The following GLIS1 variants were observed in gnomAD, a reference collection of about 807,000 sequenced individuals.
GLIS1 encodes zinc finger protein GLIS1.
Under a neutral mutation model 63.8 loss-of-function variants are expected in GLIS1, and 24 were observed. The ratio of observed to expected loss-of-function variants is 0.38; its 90% CI spans 0.27 to 0.53. GLIS1 has a LOEUF of 0.53. Among genes scored for constraint, GLIS1 ranks in the 20% least tolerant of loss-of-function variants. The pLI, the probability that GLIS1 is intolerant of heterozygous loss-of-function variation, is 0.85. For missense variants in GLIS1, 1,036 were observed against 1,074.1 expected (o/e 0.96, Z 0.50); for synonymous variants, 450 against 482.5 (o/e 0.93, Z 0.88).
At chr1:53,527,258 G>C (rs974194908) in intron 5 of GLIS1, among the ~76,000 whole-genome samples, 3 of 152,220 alleles carry the variant, frequency 2.0e-5, no homozygotes, top group African/African-American at 4.8e-5. Context: ...CATCCCAGTG[G>C]GGAAGCTGAG....
intron 2 of GLIS1, among the ~76,000 whole-genome samples, chr1:53,640,515 G>T (rs1336457691): frequency 6.6e-6 from 1 of 152,202 alleles, no homozygotes; most frequent in East Asian, 1.9e-4. Context: ...CCAGCACCCC[G>T]CTCTCCTGTG....
chr1:53,738,879 G>A (rs1481223271), intron 1 of GLIS1, among the ~76,000 whole-genome samples: 1 of 152,208 alleles, frequency 6.6e-6, no homozygotes, highest in Non-Finnish European at 1.5e-5. Context: ...ACGCTCAGCA[G>A]CGCACAACCA....
chr1:53,576,857 T>C (rs1645036823), intron 4 of GLIS1, among the ~76,000 whole-genome samples: 1 of 152,068 alleles, frequency 6.6e-6, no homozygotes, highest in Admixed American at 6.5e-5. Flanking sequence ...TTCCCTCAAA[T>C]GTCCCCCTCG....
chr1:53,697,252 G>A (rs1016260187), intron 2 of GLIS1, among the ~76,000 whole-genome samples: 1 of 152,196 alleles, frequency 6.6e-6, no homozygotes, highest in Non-Finnish European at 1.5e-5. Flanking sequence ...GGGTCACCCT[G>A]CCCAAAATCC....
chr1:53,558,684 G>A (rs893771566), intron 4 of GLIS1, among the ~76,000 whole-genome samples: 1 of 152,224 alleles, frequency 6.6e-6, no homozygotes, highest in Non-Finnish European at 1.5e-5. Flanking sequence ...CCCAGCACCT[G>A]CCCATGGCCT....
intron 6 of GLIS1, among the ~76,000 whole-genome samples, chr1:53,524,221 C>T (rs55676157): frequency 2.0e-3 from 305 of 152,352 alleles, no homozygotes; most frequent in Non-Finnish European, 3.5e-3. Flanking sequence ...GCAAGCCCCG[C>T]GGGCCCACTC....
At chr1:53,582,108 G>C (rs1312721413) in intron 4 of GLIS1, among the ~76,000 whole-genome samples, 2 of 152,128 alleles carry the variant, frequency 1.3e-5, no homozygotes, top group African/African-American at 4.8e-5. Flanking sequence ...TCAGGGTCAG[G>C]AGACCTAGGA....
rs112167168 is a variant in GLIS1, at chr1:53,570,283, T to TA, written c.1320+23824dup. 1.4e-3 allele frequency among the ~76,000 whole-genome samples: 199 copies of TA among 146,352 alleles called. 1 individual carries two copies. Among genetic ancestry groups the TA allele is most frequent in the Middle Eastern group, 3.5e-3 (1 of 284 alleles). On this transcript the variant is annotated intron_variant, in intron 4 of 10. Coordinates refer to ENST00000628545, the MANE Select transcript of GLIS1 (RefSeq NM_001367484.1). ...AGGCGAGCACCATTCTTGGCTAATT[T>TA]AAAAAAAAAAAAAATTGTTTAGAGA... is the stretch of plus-strand genomic sequence containing the variant.
chr1:53,596,380 A>AC (rs1405785765), intron 3 of GLIS1, among the ~76,000 whole-genome samples: 1 of 151,848 alleles, frequency 6.6e-6, no homozygotes, highest in Non-Finnish European at 1.5e-5. Context: ...GAGTTAGGAC[A>AC]CCCCCCTGGC....
At position 53,538,096 on chromosome 1, in the gene GLIS1, G is replaced by A. The variant is rs189383737; in HGVS notation, c.1321-8144C>T. Among the ~76,000 whole-genome samples, 438 of 152,376 alleles carry A rather than the reference G, an allele frequency of 2.9e-3. 5 individuals carry two copies. Among genetic ancestry groups the A allele is most frequent in the African/African-American group, 0.01 (427 of 41,592 alleles). On this transcript the variant is annotated intron_variant, in intron 4 of 10. Transcript: ENST00000628545. ...GGCCGCTGGCTGGCCTGAGGTTACT[G>A]TCCTGTGCTCCCCCGTGGGGCTCCT...
chr1:53,539,797 G>A lies in GLIS1; in HGVS notation c.1321-9845C>T, dbSNP rs952275117. ...TGGATGTGCGTGTGGGGTTCACTGA[G>A]GGGCTGGGTCCACTGCGCCTCCTGA... On this transcript the variant is annotated intron_variant, in intron 4 of 10. Coordinates refer to ENST00000628545, the MANE Select transcript of GLIS1 (RefSeq NM_001367484.1). The surrounding 1 kb of genome is among the most constrained non-coding windows in gnomAD (Gnocchi z 5.0). 7.9e-5 allele frequency among the ~76,000 whole-genome samples: 12 copies of A among 152,144 alleles called. No homozygotes were observed. Among genetic ancestry groups the A allele is most frequent in the African/African-American group, 2.9e-4 (12 of 41,416 alleles).
At chr1:53,529,726 C>T in intron 5 of GLIS1, 65 bp downstream of exon 5, 1 of 1,528,626 alleles carries the variant, frequency 6.5e-7, no homozygotes, top group Non-Finnish European at 8.9e-7. Context: ...GGGCTCTGCA[C>T]TGAATGAGTG....
At chr1:53,723,522 C>T (rs1041281066) in intron 2 of GLIS1, among the ~76,000 whole-genome samples, 1 of 152,056 alleles carries the variant, frequency 6.6e-6, no homozygotes, top group Non-Finnish European at 1.5e-5. Flanking sequence ...GGGTGAGCCA[C>T]CGCGCCTGGC....
At chr1:53,733,253 G>T (rs943872178) in intron 2 of GLIS1, among the ~76,000 whole-genome samples, 7 of 152,196 alleles carry the variant, frequency 4.6e-5, no homozygotes, top group Admixed American at 4.6e-4. Context: ...CAAATGAAAC[G>T]CAGGGAGATG....
chr1:53,553,310 C>T (rs1038488734), intron 4 of GLIS1, among the ~76,000 whole-genome samples: 3 of 152,168 alleles, frequency 2.0e-5, no homozygotes, highest in Admixed American at 6.5e-5. Context: ...GGTTCGCATA[C>T]CTGCTGAGAG....
At chr1:53,675,553 C>T (rs1030138021) in intron 2 of GLIS1, among the ~76,000 whole-genome samples, 1 of 152,196 alleles carries the variant, frequency 6.6e-6, no homozygotes, top group Non-Finnish European at 1.5e-5. Context: ...CTCTCCCACA[C>T]CTGTCTGGGG....
intron 4 of GLIS1, among the ~76,000 whole-genome samples, chr1:53,569,594 G>A (rs2100460843): frequency 6.6e-6 from 1 of 152,112 alleles, no homozygotes; most frequent in African/African-American, 2.4e-5. Context: ...AGACAAGGAG[G>A]TCTACTATCA....
intron 2 of GLIS1, among the ~76,000 whole-genome samples, chr1:53,623,113 T>A (rs1322212930): frequency 6.6e-6 from 1 of 152,224 alleles, no homozygotes; most frequent in Non-Finnish European, 1.5e-5. Context: ...CTTTCAAAAT[T>A]CTTTCTTTAC....
intron 2 of GLIS1, among the ~76,000 whole-genome samples, chr1:53,685,293 TTGGAGCCCGC>T (rs1646322573): frequency 6.6e-6 from 1 of 152,110 alleles, no homozygotes; most frequent in African/African-American, 2.4e-5. Context: ...TTCACTCCCT[TTGGAGCCCGC>T]GGACATACCA....
Sources: gnomAD v4.1 joint callset for allele counts (sites outside exome capture counted in the v4.1 genomes callset) on GRCh38, gnomAD v4.1.1 for gene constraint, Gnocchi (gnomAD v3.1) non-coding constraint, MANE v1.5 for transcripts, NCBI Gene and HGNC (gene_info 2026-07-23, HGNC 2026-07-21) for gene names.